ZCCHC7: variants seen among roughly 807,000 people sequenced by gnomAD.
The protein encoded by ZCCHC7 is zinc finger CCHC-type containing 7, also known as zinc finger CCHC domain-containing protein 7.
ZCCHC7 carries 35 observed loss-of-function variants against 52.0 expected under a neutral mutation model. The ratio of observed to expected loss-of-function variants is 0.67; its 90% CI spans 0.51 to 0.89. The LOEUF is 0.89. Among genes scored for constraint, ZCCHC7 ranks in the 40% least tolerant of loss-of-function variants. ZCCHC7 has a pLI of 0.00. For synonymous variants in ZCCHC7, 217 were observed against 221.5 expected (o/e 0.98, Z 0.18); for missense variants, 574 against 649.1 (o/e 0.88, Z 1.26).
chr9:37,309,920 CAA>C (rs748775336), intron 5 of ZCCHC7, among the ~76,000 whole-genome samples: 18 of 84,990 alleles, frequency 2.1e-4, no homozygotes, highest in Non-Finnish European at 2.2e-4. Context: ...AGACTGTTTC[CAA>C]AAAAAAAAAA....
chr9:37,329,327 G>T (rs1046664105), intron 6 of ZCCHC7, among the ~76,000 whole-genome samples: 7 of 151,568 alleles, frequency 4.6e-5, no homozygotes, highest in Non-Finnish European at 1.0e-4. Context: ...AGAAATATTT[G>T]AAGGTTTGCT....
intron 2 of ZCCHC7, among the ~76,000 whole-genome samples, chr9:37,155,283 C>T (rs1341819871): frequency 1.3e-5 from 2 of 152,046 alleles, no homozygotes; most frequent in African/African-American, 2.4e-5. Context: ...ATGGTGTGAA[C>T]CCGGGAGGCA....
At chr9:37,271,662 C>G (rs1281936354) in intron 2 of ZCCHC7, among the ~76,000 whole-genome samples, 2 of 152,146 alleles carry the variant, frequency 1.3e-5, no homozygotes, top group Non-Finnish European at 2.9e-5. Flanking sequence ...CTCCGCCCTC[C>G]AGGTTCAAGC....
At chr9:37,238,684 T>G (rs75299237) in intron 2 of ZCCHC7, among the ~76,000 whole-genome samples, 7,711 of 152,174 alleles carry the variant, frequency 0.051, 639 homozygotes, top group African/African-American at 0.17. Flanking sequence ...CAGGAGACTG[T>G]TTCTCACCTG....
chr9:37,186,407 C>T (rs1822657791), intron 2 of ZCCHC7, among the ~76,000 whole-genome samples: 1 of 151,884 alleles, frequency 6.6e-6, no homozygotes, highest in Admixed American at 6.6e-5. Flanking sequence ...AACTTTTATC[C>T]AAAGTAACAA....
chr9:37,245,895 A>G (rs1826062202), intron 2 of ZCCHC7, among the ~76,000 whole-genome samples: 1 of 152,076 alleles, frequency 6.6e-6, no homozygotes, highest in Admixed American at 6.6e-5. Context: ...TGGCTGGACC[A>G]TAGGTTTTAA....
chr9:37,224,040 T>G (rs1317670904), intron 2 of ZCCHC7, among the ~76,000 whole-genome samples: 1 of 152,116 alleles, frequency 6.6e-6, no homozygotes, highest in African/African-American at 2.4e-5. Flanking sequence ...TAGGTTCTGG[T>G]TCTTTTTTAT....
At chr9:37,279,332 A>G (rs1165414257) in intron 2 of ZCCHC7, among the ~76,000 whole-genome samples, 3 of 152,134 alleles carry the variant, frequency 2.0e-5, no homozygotes, top group Admixed American at 6.6e-5. Context: ...TACATTTTTC[A>G]TAAATTGTAT....
At chr9:37,355,826 G>C (rs996426622) in intron 8 of ZCCHC7, among the ~76,000 whole-genome samples, 5 of 152,196 alleles carry the variant, frequency 3.3e-5, no homozygotes, top group Admixed American at 2.6e-4. Context: ...TTGTGCAAGG[G>C]TCAGCTGTGT....
At chr9:37,207,700 T>A (rs1373570308) in intron 2 of ZCCHC7, among the ~76,000 whole-genome samples, 4 of 152,126 alleles carry the variant, frequency 2.6e-5, no homozygotes, top group African/African-American at 9.7e-5. Flanking sequence ...TCTATGTTCA[T>A]GCCTACTAAC....
chr9:37,198,378 A>T, intron 2 of ZCCHC7, among the ~76,000 whole-genome samples: 1 of 152,144 alleles, frequency 6.6e-6, no homozygotes, highest in East Asian at 1.9e-4. Context: ...TTTTAATGGT[A>T]ATTAACATTT....
At chr9:37,218,459 TC>T (rs913758868) in intron 2 of ZCCHC7, among the ~76,000 whole-genome samples, 23 of 152,302 alleles carry the variant, frequency 1.5e-4, no homozygotes, top group Admixed American at 1.3e-3. Flanking sequence ...ATAAATTCAT[TC>T]CCCCCTGTGT....
At chr9:37,198,449 T>A (rs565557761) in intron 2 of ZCCHC7, among the ~76,000 whole-genome samples, 44 of 152,308 alleles carry the variant, frequency 2.9e-4, no homozygotes, top group African/African-American at 1.0e-3. Context: ...GCCGATCACA[T>A]CTTCTCTTTG....
intron 2 of ZCCHC7, among the ~76,000 whole-genome samples, chr9:37,257,948 G>A (rs77657550): frequency 0.023 from 3,471 of 152,186 alleles, 66 homozygotes; most frequent in Non-Finnish European, 0.034. Context: ...TAGCAACACA[G>A]AGATTAAAAT....
intron 2 of ZCCHC7, among the ~76,000 whole-genome samples, chr9:37,240,787 T>A (rs979314869): frequency 1.4e-4 from 21 of 151,660 alleles, no homozygotes; most frequent in Middle Eastern, 3.2e-3. Context: ...AAACAAAAAA[T>A]TTTTTTTCTA....
intron 2 of ZCCHC7, among the ~76,000 whole-genome samples, chr9:37,183,973 C>G (rs1406211704): frequency 6.6e-6 from 1 of 152,194 alleles, no homozygotes; most frequent in Non-Finnish European, 1.5e-5. Context: ...TGGCCTTGAG[C>G]CCCTCCTTTC....
intron 6 of ZCCHC7, among the ~76,000 whole-genome samples, chr9:37,337,941 T>C (rs190298450): frequency 6.6e-6 from 1 of 152,192 alleles, no homozygotes; most frequent in African/African-American, 2.4e-5. Context: ...GAGAGCTACA[T>C]TGGAAATATT....
chr9:37,183,982 T>C (rs1177562529), intron 2 of ZCCHC7, among the ~76,000 whole-genome samples: 1 of 152,196 alleles, frequency 6.6e-6, no homozygotes, highest in Admixed American at 6.5e-5. Context: ...GCCCCTCCTT[T>C]CCCTGCACAG....
intron 2 of ZCCHC7, among the ~76,000 whole-genome samples, chr9:37,210,744 A>G (rs76539993): frequency 0.051 from 7,738 of 152,198 alleles, 645 homozygotes; most frequent in African/African-American, 0.17. Flanking sequence ...GTTTTTTTTG[A>G]AGCCTCTTAG....
Sources: gnomAD v4.1 joint callset for allele counts (sites outside exome capture counted in the v4.1 genomes callset) on GRCh38, gnomAD v4.1.1 for gene constraint, MANE v1.5 for transcripts, NCBI Gene and HGNC (gene_info 2026-07-23, HGNC 2026-07-21) for gene names.